OPA1: variants seen among roughly 807,000 people sequenced by gnomAD.
OPA1 encodes dynamin-like GTPase OPA1, mitochondrial.
OPA1 carries 59 observed loss-of-function variants against 152.9 expected under a neutral mutation model. The ratio of observed to expected loss-of-function variants is 0.39; its 90% CI spans 0.31 to 0.48. OPA1 has a LOEUF of 0.48. Ranked by LOEUF, OPA1 falls within the 20% of genes least tolerant of loss-of-function variation. OPA1 has a pLI of 0.96. For synonymous variants in OPA1, 400 were observed against 389.9 expected, an observed-to-expected ratio of 1.03 and a Z score of -0.31; for missense variants, 1,008 against 1,216.8, an observed-to-expected ratio of 0.83 and a Z score of 2.55.
rs1711515179 is a variant in OPA1 at position 193,648,113 on chromosome 3, T to C, written c.1914T>C (p.Pro638=). Residue 638 remains proline (P), a synonymous_variant, in exon 20 of 31, where the codon CCT becomes CCC. Coordinates refer to ENST00000361510, the MANE Select transcript of OPA1 (RefSeq NM_130837.3). ...AAACTGAATGGAAGAATAACTATCCTCGCCTGCGGGAACTTGACCGGGTAA... is the reference window on the plus strand; with the variant it reads ...AAACTGAATGGAAGAATAACTATCCCCGCCTGCGGGAACTTGACCGGGTAA... ...NLETEWKNNY[P]RLRELDRNEL... is the part of the protein sequence containing the mutation. The C allele has an allele frequency of 6.2e-7, 1 of 1,613,250 alleles. No individual in the cohort carries two copies. Among genetic ancestry groups the C allele is most frequent in the Non-Finnish European group, 8.5e-7 (1 of 1,179,230 alleles).
At chr3:193,654,470 A>G (rs1713298201) in intron 21 of OPA1, among the ~76,000 whole-genome samples, 1 of 151,750 alleles carries the variant, frequency 6.6e-6, no homozygotes, top group African/African-American at 2.4e-5. Context: ...TACTCCATCC[A>G]GCCTGGGCAA....
intron 16 of OPA1, 58 bp from the exon 17 acceptor site, chr3:193,645,495 G>T (rs992945832): frequency 2.3e-6 from 3 of 1,309,360 alleles, no homozygotes; most frequent in African/African-American, 2.9e-5. Flanking sequence ...TGTATATTAC[G>T]CTTTTAAAAC....
intron 1 of OPA1, among the ~76,000 whole-genome samples, chr3:193,611,529 A>G (rs13095315): frequency 0.49 from 73,679 of 148,858 alleles, 18,531 homozygotes; most frequent in African/African-American, 0.56. Context: ...CCTGGGAGGC[A>G]GAGGTTGCAG....
At chr3:193,694,430 A>G (rs912225174) in intron 30 of OPA1, among the ~76,000 whole-genome samples, 176 bp from the exon 31 acceptor site, 1 of 152,210 alleles carries the variant, frequency 6.6e-6, no homozygotes, top group Non-Finnish European at 1.5e-5. Context: ...TATGTTTGAT[A>G]AAAAAATTAT....
chr3:193,648,119 G>A lies in OPA1; in HGVS notation c.1920G>A (p.Leu640=), dbSNP rs757447703. 6.2e-7 allele frequency: 1 copy of A among 1,612,106 alleles called. No homozygotes were observed. The highest frequency in any genetic ancestry group is 8.5e-7 in the Non-Finnish European group (1 of 1,178,204). The part of the protein sequence containing the change: ...ETEWKNNYPR[L]RELDRNELFE... ...AATGGAAGAATAACTATCCTCGCCT[G>A]CGGGAACTTGACCGGGTAATATTTG... Residue 640 remains leucine (L), a synonymous_variant, in exon 20 of 31, where the codon CTG becomes CTA. Coordinates refer to ENST00000361510, the MANE Select transcript of OPA1 (RefSeq NM_130837.3).
chr3:193,624,863 A>G (rs894138193), intron 6 of OPA1, among the ~76,000 whole-genome samples: 2 of 152,104 alleles, frequency 1.3e-5, no homozygotes, highest in Non-Finnish European at 2.9e-5. Context: ...ATTATATAAA[A>G]TAAAATATTT....
At chr3:193,686,103 A>G (rs1720905765) in intron 29 of OPA1, among the ~76,000 whole-genome samples, 1 of 152,236 alleles carries the variant, frequency 6.6e-6, no homozygotes, top group Non-Finnish European at 1.5e-5. Context: ...TCCATGTTAC[A>G]GAAGATTTTG....
rs1714050138 is a variant in OPA1, at chr3:193,657,147, A to G, written c.2246A>G (p.Asp749Gly). 1.2e-6 allele frequency: 2 copies of G among 1,613,832 alleles called. No individual in the cohort carries two copies. Among genetic ancestry groups the G allele is most frequent in the Admixed American group, 1.7e-5 (1 of 59,992 alleles). Residue 749 changes from aspartate (D) to glycine (G), a missense_variant, in exon 23 of 31, where the codon GAT becomes GGT. Around this residue, in one of 7 missense-constraint regions of OPA1, gnomAD observed 229 missense variants for 269.0 expected, o/e 0.85. Transcript: ENST00000361510. The part of the protein sequence containing the change: ...FMTEPKGKEH[D>G]DIFDKLKEAV... ...ACAGAACCGAAAGGGAAAGAGCATG[A>G]TGACATATTTGATAAACTTAAAGAG... is the stretch of plus-strand genomic sequence containing the variant.
At chr3:193,607,719 G>A (rs1211245683) in intron 1 of OPA1, among the ~76,000 whole-genome samples, 3 of 152,134 alleles carry the variant, frequency 2.0e-5, no homozygotes, top group African/African-American at 7.2e-5. Flanking sequence ...TTGTTCTTTG[G>A]CTTAGGATTG....
At chr3:193,650,264 T>A (rs2109094452) in intron 21 of OPA1, among the ~76,000 whole-genome samples, 1 of 152,320 alleles carries the variant, frequency 6.6e-6, no homozygotes, top group Middle Eastern at 3.4e-3. Flanking sequence ...CGGTCAGATC[T>A]GGGACATCTG....
chr3:193,629,975 T>C (rs1201619437), intron 7 of OPA1, among the ~76,000 whole-genome samples: 1 of 152,242 alleles, frequency 6.6e-6, no homozygotes, highest in African/African-American at 2.4e-5. Flanking sequence ...GTTGGATAAA[T>C]ATTTAATGGA....
chr3:193,632,137 T>A (rs1732177052), intron 8 of OPA1, among the ~76,000 whole-genome samples: 1 of 152,194 alleles, frequency 6.6e-6, no homozygotes, highest in Non-Finnish European at 1.5e-5. Context: ...ATTATTACTT[T>A]AAGGACCTAT....
At chr3:193,632,768 G>A (rs1732294940) in intron 8 of OPA1, among the ~76,000 whole-genome samples, 1 of 152,144 alleles carries the variant, frequency 6.6e-6, no homozygotes, top group East Asian at 1.9e-4. Flanking sequence ...CAACTGGGAG[G>A]CTAAGGCGGG....
intron 1 of OPA1, chr3:193,596,746 A>G (rs1202799560): frequency 6.6e-6 from 1 of 152,208 alleles, no homozygotes; most frequent in Non-Finnish European, 1.5e-5. Flanking sequence ...TAGTCGCAAT[A>G]ATAGTCCCCT....
At chr3:193,654,248 C>T (rs1713238507) in intron 21 of OPA1, among the ~76,000 whole-genome samples, 1 of 152,174 alleles carries the variant, frequency 6.6e-6, no homozygotes, top group African/African-American at 2.4e-5. Flanking sequence ...GTAATCCCAA[C>T]ACTTTGGGAG....
chr3:193,674,381 T>C (rs574283226), intron 29 of OPA1, among the ~76,000 whole-genome samples: 38 of 152,228 alleles, frequency 2.5e-4, no homozygotes, highest in Admixed American at 6.5e-4. Context: ...AAAACTTTGT[T>C]CTTCATAATA....
At chr3:193,620,869 G>T (rs1729926202) in intron 6 of OPA1, among the ~76,000 whole-genome samples, 1 of 152,214 alleles carries the variant, frequency 6.6e-6, no homozygotes, top group Admixed American at 6.5e-5. Context: ...GTGATTTTGA[G>T]ACTTGTGTAC....
At chr3:193,603,650 T>C (rs1726791536) in intron 1 of OPA1, 1 of 152,236 alleles carries the variant, frequency 6.6e-6, no homozygotes. Flanking sequence ...GACTTGTCCT[T>C]AGCTGTGTGA....
Position 193,657,093 on chromosome 3 carries a change from C to A in OPA1, c.2192C>A (p.Thr731Asn). ...PNKAVEVAWE[T>N]LQEEFSRFMT... ...AAATAATTATAGGTTGCTTGGGAGA[C>A]CCTACAAGAAGAATTTTCCCGCTTT... Residue 731 changes from threonine (T) to asparagine (N), a missense_variant, in exon 23 of 31, where the codon ACC (threonine) becomes AAC (asparagine). Thr to Asn is a moderately conservative substitution (Grantham distance 65, BLOSUM62 0). Transcript: ENST00000361510. The A allele has an allele frequency of 6.2e-7, 1 of 1,612,612 alleles. No individual in the cohort carries two copies. Among genetic ancestry groups the A allele is most frequent in the Non-Finnish European group, 8.5e-7 (1 of 1,179,374 alleles).
Sources: gnomAD v4.1 joint callset for allele counts (sites outside exome capture counted in the v4.1 genomes callset) on GRCh38, gnomAD v4.1.1 for gene constraint, gnomAD v4.1.1 regional missense constraint, MANE v1.5 for transcripts, NCBI Gene and HGNC (gene_info 2026-07-23, HGNC 2026-07-21) for gene names.